SLC25A13: variants seen among roughly 807,000 people sequenced by gnomAD.
SLC25A13 encodes electrogenic aspartate/glutamate antiporter SLC25A13, mitochondrial.
A neutral mutation model predicts 85.5 loss-of-function variants in SLC25A13; 70 were observed. That is an observed-to-expected ratio of 0.82 (90% confidence interval 0.68 to 1.00). The LOEUF (loss-of-function observed/expected upper bound fraction) is 1.00, where lower values mean the gene tolerates loss of function less well. Ranked by LOEUF, SLC25A13 falls within the 50% of genes least tolerant of loss-of-function variation. The pLI is 0.00. For missense variants in SLC25A13, 765 were observed against 819.8 expected (o/e 0.93, Z 0.82); for synonymous variants, 259 against 288.7 (o/e 0.90, Z 1.04).
At chr7:96,126,101 A>G (rs1791716667) in intron 15 of SLC25A13, among the ~76,000 whole-genome samples, 1 of 152,086 alleles carries the variant, frequency 6.6e-6, no homozygotes, top group African/African-American at 2.4e-5. Context: ...TTATATACAA[A>G]TGTTGTGGGT....
chr7:96,268,431 T>C (rs1475256822), intron 3 of SLC25A13, among the ~76,000 whole-genome samples: 2 of 152,204 alleles, frequency 1.3e-5, no homozygotes, highest in East Asian at 1.9e-4. Flanking sequence ...GTCTAGGCCC[T>C]GAGAAGTCCT....
intron 3 of SLC25A13, among the ~76,000 whole-genome samples, chr7:96,245,819 A>G (rs1797169304): frequency 6.6e-6 from 1 of 152,254 alleles, no homozygotes; most frequent in Non-Finnish European, 1.5e-5. Context: ...AAAAGGGAAA[A>G]GTAATTGTAA....
At chr7:96,211,691 G>C (rs998977261) in intron 4 of SLC25A13, among the ~76,000 whole-genome samples, 1 of 152,136 alleles carries the variant, frequency 6.6e-6, no homozygotes, top group African/African-American at 2.4e-5. Context: ...AGCCAGAAAA[G>C]GTTTACAACA....
At chr7:96,229,178 C>A (rs544295048) in intron 4 of SLC25A13, among the ~76,000 whole-genome samples, 2 of 152,204 alleles carry the variant, frequency 1.3e-5, no homozygotes, top group African/African-American at 2.4e-5. Flanking sequence ...GCTCCTGAGT[C>A]GGGTGGGGAC....
intron 4 of SLC25A13, among the ~76,000 whole-genome samples, chr7:96,227,864 A>T (rs922027524): frequency 2.7e-5 from 4 of 150,576 alleles, no homozygotes; most frequent in African/African-American, 9.8e-5. Context: ...AAAACAAAGA[A>T]TTTTTTTTTT....
intron 9 of SLC25A13, among the ~76,000 whole-genome samples, chr7:96,187,069 C>T (rs1047901968): frequency 1.3e-5 from 2 of 152,148 alleles, no homozygotes; most frequent in Admixed American, 6.5e-5. Flanking sequence ...GACCTATTAT[C>T]CTCACAGTGT....
At chr7:96,201,303 A>G (rs1364956945) in intron 5 of SLC25A13, among the ~76,000 whole-genome samples, 2 of 152,022 alleles carry the variant, frequency 1.3e-5, no homozygotes, top group Non-Finnish European at 2.9e-5. Context: ...TGAGGTCAGG[A>G]GTTCAAGACC....
At chr7:96,168,686 A>T (rs1476669200) in intron 13 of SLC25A13, among the ~76,000 whole-genome samples, 1 of 152,192 alleles carries the variant, frequency 6.6e-6, no homozygotes, top group East Asian at 1.9e-4. Context: ...TTTACATTTT[A>T]ATTCTTACAG....
At chr7:96,137,462 T>C (rs1293140900) in intron 14 of SLC25A13, among the ~76,000 whole-genome samples, 1 of 152,206 alleles carries the variant, frequency 6.6e-6, no homozygotes, top group Non-Finnish European at 1.5e-5. Flanking sequence ...TCAGTGCTAG[T>C]TCTCTATTGT....
At chr7:96,128,939 G>GCTCGCTCTCTCTCTCTCTCT (rs1380552400) in intron 15 of SLC25A13, among the ~76,000 whole-genome samples, 2 of 81,902 alleles carry the variant, frequency 2.4e-5, no homozygotes, top group African/African-American at 8.6e-5. Flanking sequence ...TGCCTTGCTT[G>GCTCGCTCTCTCTCTCTCTCT]CTCTCTCTCT....
chr7:96,261,681 T>C (rs1295742904), intron 3 of SLC25A13, among the ~76,000 whole-genome samples: 3 of 152,200 alleles, frequency 2.0e-5, no homozygotes, highest in Admixed American at 1.3e-4. Context: ...AATGGGAAAG[T>C]TGGGTACTAT....
At chr7:96,171,862 C>T (rs1446048877) in intron 11 of SLC25A13, among the ~76,000 whole-genome samples, 1 of 152,018 alleles carries the variant, frequency 6.6e-6, no homozygotes, top group Non-Finnish European at 1.5e-5. Context: ...AAAACAAGGA[C>T]CAATTTTGGG....
intron 3 of SLC25A13, among the ~76,000 whole-genome samples, chr7:96,245,226 A>G (rs1346843956): frequency 1.3e-5 from 2 of 152,154 alleles, no homozygotes; most frequent in East Asian, 1.9e-4. Flanking sequence ...TAGTTAATTC[A>G]AGTAACACTA....
chr7:96,159,839 A>G (rs1269165889), intron 13 of SLC25A13, among the ~76,000 whole-genome samples: 1 of 152,182 alleles, frequency 6.6e-6, no homozygotes, highest in African/African-American at 2.4e-5. Context: ...TCCTAGTCCT[A>G]ATTTCTTAAC....
At chr7:96,287,482 T>C (rs1046370312) in intron 2 of SLC25A13, among the ~76,000 whole-genome samples, 1 of 152,104 alleles carries the variant, frequency 6.6e-6, no homozygotes, top group Non-Finnish European at 1.5e-5. Context: ...ACACTACAGG[T>C]GTCTCTCCAG....
In SLC25A13 at chr7:96,121,307, C is replaced by CAACGTG. The variant is rs1791493171; in HGVS notation, c.1906_1911dup (p.His636_Val637dup). 1 of 1,614,148 alleles carries CAACGTG rather than the reference C, an allele frequency of 6.2e-7. No individual in the cohort carries two copies. Among genetic ancestry groups the CAACGTG allele is most frequent in the South Asian group, 1.1e-5 (1 of 91,078 alleles). Reference sequence around the variant, plus strand: ...GTAGCAACTGCCAGTTTGTAGCCCCCAACGTGATCAGGATTCGGGGCAGGC... The same window carrying CAACGTG: ...GTAGCAACTGCCAGTTTGTAGCCCCCAACGTGAACGTGATCAGGATTCGGGGCAGGC... On this transcript the variant is annotated inframe_insertion, in exon 18 of 18. Transcript: ENST00000265631.
chr7:96,263,747 G>A lies in SLC25A13; in HGVS notation c.212+13449C>T, dbSNP rs191255954. On this transcript the variant is annotated intron_variant, in intron 3 of 17. Transcript: ENST00000265631. ...ATATACTGATCCTTCAAACACTAAG[G>A]CCTCCAATTACATTAACTCATCTCC... Among the ~76,000 whole-genome samples, 158 of 151,972 alleles carry A rather than the reference G, an allele frequency of 1.0e-3. 1 individual carries two copies. The highest frequency in any genetic ancestry group is 3.6e-3 in the African/African-American group (148 of 41,416).
intron 11 of SLC25A13, among the ~76,000 whole-genome samples, chr7:96,177,323 C>A (rs1365242211): frequency 6.6e-6 from 1 of 152,154 alleles, no homozygotes; most frequent in Non-Finnish European, 1.5e-5. Context: ...ACAGACAAAA[C>A]AACACATTTC....
intron 12 of SLC25A13, among the ~76,000 whole-genome samples, chr7:96,170,481 T>C (rs1319390214): frequency 1.3e-5 from 2 of 152,168 alleles, no homozygotes; most frequent in East Asian, 3.8e-4. Flanking sequence ...TAAGGCTTGA[T>C]TAAAAATCAC....
Sources: gnomAD v4.1 joint callset for allele counts (sites outside exome capture counted in the v4.1 genomes callset) on GRCh38, gnomAD v4.1.1 for gene constraint, MANE v1.5 for transcripts, NCBI Gene and HGNC (gene_info 2026-07-23, HGNC 2026-07-21) for gene names.